The following DAP3 variants were observed in gnomAD, a reference collection of about 807,000 sequenced individuals.
DAP3 encodes the protein death associated protein 3, also known as small ribosomal subunit protein mS29.
Under a neutral mutation model 51.9 loss-of-function variants are expected in DAP3, and 28 were observed. The observed-to-expected ratio is 0.54, with a 90% CI of 0.40 to 0.74. The LOEUF (loss-of-function observed/expected upper bound fraction) is 0.74, where lower values mean the gene tolerates loss of function less well. DAP3 is among the 30% of genes least tolerant of loss of function. The pLI, the probability that DAP3 is intolerant of heterozygous loss-of-function variation, is 0.00. For missense variants in DAP3, 458 were observed against 483.5 expected (o/e 0.95, Z 0.49); for synonymous variants, 170 against 170.3 (o/e 1.00, Z 0.01).
intron 1 of DAP3, 71 bp from the exon 2 acceptor site, chr1:155,709,702 C>A: frequency 1.5e-6 from 2 of 1,327,946 alleles, no homozygotes; most frequent in South Asian, 1.3e-5. Context: ...AATCTATTGT[C>A]AGTTTTCCAT....
At position 155,717,034 on chromosome 1, in the gene DAP3, G is replaced by T; in HGVS notation, c.74G>T (p.Gly25Val). Residue 25 changes from glycine (G) to valine (V), a missense_variant, in exon 3 of 13, where the codon GGG (glycine) becomes GTG (valine). By Grantham distance (109) the Gly-to-Val change is moderately radical (BLOSUM62 -3). Transcript: ENST00000368336. The stretch of plus-strand genomic sequence containing the variant: ...GACCCTGGGCGTTTTTTACACATGG[G>T]GACCCAGGCTCGCCAAAGCATTGCT... ...KLDPGRFLHM[G>V]TQARQSIAAH... is the part of the protein sequence containing the mutation. 2 of 1,614,044 alleles carry T rather than the reference G, an allele frequency of 1.2e-6. No individual in the cohort carries two copies. The highest frequency in any genetic ancestry group is 1.3e-5 in the African/African-American group (1 of 74,992).
chr1:155,709,688 T>C, intron 1 of DAP3, 85 bp from the exon 2 acceptor site: 3 of 1,137,382 alleles, frequency 2.6e-6, no homozygotes. Flanking sequence ...TATTAATCCC[T>C]ATTAATCTAT....
chr1:155,727,459 A>G, intron 6 of DAP3, 149 bp from the exon 7 acceptor site: 1 of 767,376 alleles, frequency 1.3e-6, no homozygotes, highest in Admixed American at 4.1e-5. Context: ...ACAGAGCAAG[A>G]CCCTGTCTCA....
At position 155,693,844 on chromosome 1, in the gene DAP3, G is replaced by A. The variant is rs12073202; in HGVS notation, c.-8+4670G>A. 2.1e-5 allele frequency among the ~76,000 whole-genome samples: 3 copies of A among 140,860 alleles called. 1 individual carries two copies. Among genetic ancestry groups the A allele is most frequent in the African/African-American group, 6.6e-5 (2 of 30,516 alleles). 92.4% of individuals were successfully genotyped at this position (140,860 alleles called of 152,430 possible). A position where few individuals can be genotyped will look rare whatever the true frequency, so the allele number is the denominator to read the frequency against. On this transcript the variant is annotated intron_variant, in intron 1 of 12. Transcript: ENST00000368336. Reference sequence around the variant, plus strand: ...GGTGTGGTGGCACATGCCTGTAATCGCAGCTACTTGGGAGGCTGAGGCAGG... The same window carrying A: ...GGTGTGGTGGCACATGCCTGTAATCACAGCTACTTGGGAGGCTGAGGCAGG...
At chr1:155,706,954 G>A (rs946761997) in intron 1 of DAP3, among the ~76,000 whole-genome samples, 2 of 151,114 alleles carry the variant, frequency 1.3e-5, no homozygotes, top group Non-Finnish European at 1.5e-5. Context: ...TTAGCTGGGC[G>A]TGGTAGCTGG....
At chr1:155,688,621 C>G, upstream of DAP3, 1 of 1,534,766 alleles carries the variant, frequency 6.5e-7, no homozygotes, top group Non-Finnish European at 8.7e-7. Flanking sequence ...CCCCTCAGAC[C>G]CTGTCAAGCC....
intron 1 of DAP3, among the ~76,000 whole-genome samples, chr1:155,699,895 T>C (rs1409696761): frequency 6.6e-6 from 1 of 152,016 alleles, no homozygotes; most frequent in Non-Finnish European, 1.5e-5. Flanking sequence ...GAATTACAGG[T>C]GTGAGCCACT....
chr1:155,733,046 G>GTCTCTTTGGTCTCCT (rs2149202661), intron 11 of DAP3, among the ~76,000 whole-genome samples: 1 of 152,316 alleles, frequency 6.6e-6, no homozygotes, highest in South Asian at 2.1e-4. Flanking sequence ...AAGTTGTCAT[G>GTCTCTTTGGTCTCCT]TCTCTTTGGT....
intron 1 of DAP3, among the ~76,000 whole-genome samples, chr1:155,705,810 C>T (rs1655896619): frequency 6.6e-6 from 1 of 152,064 alleles, no homozygotes; most frequent in Non-Finnish European, 1.5e-5. Context: ...AAGCGATTCT[C>T]CCGCCTCAGC....
chr1:155,731,353 C>A lies in DAP3; in HGVS notation c.844-3C>A. 1 of 1,613,732 alleles carries A rather than the reference C, an allele frequency of 6.2e-7. No individual in the cohort carries two copies. The highest frequency in any genetic ancestry group is 8.5e-7 in the Non-Finnish European group (1 of 1,179,840). On this transcript the variant is annotated splice_region_variant and splice_polypyrimidine_tract_variant and intron_variant, in intron 9 of 12. Coordinates refer to ENST00000368336, the MANE Select transcript of DAP3 (RefSeq NM_004632.4). ...CTCTTCTCTCTTTCTGTCCGATATG[C>A]AGATTGCCCCCGAGGAATTAGCACT...
intron 1 of DAP3, among the ~76,000 whole-genome samples, chr1:155,696,252 C>CG (rs1473513824): frequency 1.3e-5 from 2 of 152,030 alleles, no homozygotes; most frequent in Non-Finnish European, 2.9e-5. Flanking sequence ...AAAGGCAAGA[C>CG]TGAGTCAATC....
intron 12 of DAP3, 60 bp from the exon 13 acceptor site, chr1:155,738,097 C>T (rs1659993027): frequency 6.5e-7 from 1 of 1,542,416 alleles, no homozygotes; most frequent in Non-Finnish European, 8.9e-7. Context: ...ACACGATATT[C>T]TGGGGAACAC....
chr1:155,689,027 G>T (rs1047440327), upstream of DAP3: 3 of 1,580,756 alleles, frequency 1.9e-6, no homozygotes, highest in African/African-American at 4.0e-5. Flanking sequence ...CTGCCGGCCG[G>T]TGGTTGGAGG....
chr1:155,737,376 G>T (rs1426611026), intron 12 of DAP3, among the ~76,000 whole-genome samples: 1 of 152,174 alleles, frequency 6.6e-6, no homozygotes, highest in Non-Finnish European at 1.5e-5. Flanking sequence ...TTATTCAATA[G>T]ACTTCACTGG....
intron 1 of DAP3, among the ~76,000 whole-genome samples, chr1:155,697,000 AT>A (rs1254117351): frequency 6.6e-6 from 1 of 152,230 alleles, no homozygotes; most frequent in African/African-American, 2.4e-5. Context: ...GTCGGTCAGC[AT>A]GCACCATCTA....
In DAP3 at chr1:155,692,693, G is replaced by A. The variant is rs77378733; in HGVS notation, c.-8+3519G>A. On this transcript the variant is annotated intron_variant, in intron 1 of 12. Coordinates refer to ENST00000368336, the MANE Select transcript of DAP3 (RefSeq NM_004632.4). Reference sequence around the variant, plus strand: ...GTAAAATTTCCATCCCTTTCTTCCAGATGATGTCTAACTTTTTCCCAGTGA... The same window carrying A: ...GTAAAATTTCCATCCCTTTCTTCCAAATGATGTCTAACTTTTTCCCAGTGA... Among the ~76,000 whole-genome samples, 15 of 141,906 alleles carry A rather than the reference G, an allele frequency of 1.1e-4. 1 individual carries two copies. Among genetic ancestry groups the A allele is most frequent in the Admixed American group, 9.9e-4 (15 of 15,120 alleles). 93.1% of individuals were successfully genotyped at this position (141,906 alleles called of 152,430 possible). A position where few individuals can be genotyped will look rare whatever the true frequency, so the allele number is the denominator to read the frequency against.
intron 4 of DAP3, among the ~76,000 whole-genome samples, chr1:155,723,741 T>TA (rs1487291262): frequency 6.6e-6 from 1 of 152,194 alleles, no homozygotes; most frequent in Non-Finnish European, 1.5e-5. Flanking sequence ...GGATTTCTTT[T>TA]AAAAATATCA....
At chr1:155,731,120 A>T (rs954246411) in intron 9 of DAP3, among the ~76,000 whole-genome samples, 3 of 152,064 alleles carry the variant, frequency 2.0e-5, no homozygotes, top group African/African-American at 7.2e-5. Flanking sequence ...ATACAAAAAA[A>T]TTAGGCTCTG....
intron 9 of DAP3, 51 bp from the exon 10 acceptor site, chr1:155,731,305 A>T (rs765439615): frequency 1.3e-6 from 2 of 1,563,194 alleles, no homozygotes; most frequent in Non-Finnish European, 1.8e-6. Context: ...TCGGGAGAAC[A>T]TCTAGGAAAG....
Sources: gnomAD v4.1 joint callset for allele counts (sites outside exome capture counted in the v4.1 genomes callset) on GRCh38, gnomAD v4.1.1 for gene constraint, MANE v1.5 for transcripts, NCBI Gene and HGNC (gene_info 2026-07-23, HGNC 2026-07-21) for gene names.